The following MARCHF10 variants were observed in gnomAD, a reference collection of about 807,000 sequenced individuals.
MARCHF10 encodes the protein probable E3 ubiquitin-protein ligase MARCHF10.
Under a neutral mutation model 76.2 loss-of-function variants are expected in MARCHF10, and 64 were observed. The ratio of observed to expected loss-of-function variants is 0.84; its 90% CI spans 0.69 to 1.03. MARCHF10 has a LOEUF of 1.03. Among genes scored for constraint, MARCHF10 ranks in the 50% least tolerant of loss-of-function variants. MARCHF10 has a pLI of 0.00. For synonymous variants in MARCHF10, 340 were observed against 357.5 expected (o/e 0.95, Z 0.55); for missense variants, 875 against 958.0 (o/e 0.91, Z 1.14).
At chr17:62,728,618 A>C (rs559338698) in intron 6 of MARCHF10, among the ~76,000 whole-genome samples, 4 of 152,316 alleles carry the variant, frequency 2.6e-5, no homozygotes, top group East Asian at 3.9e-4. Flanking sequence ...GATTCAGAGA[A>C]TATTGGCAGC....
intron 8 of MARCHF10, among the ~76,000 whole-genome samples, chr17:62,722,170 C>T (rs1351949064): frequency 1.3e-5 from 2 of 150,954 alleles, no homozygotes; most frequent in Non-Finnish European, 2.9e-5. Flanking sequence ...GTAATCCCAG[C>T]TACTCAGGAG....
rs2093189411 is a variant in MARCHF10 at position 62,808,077 on chromosome 17, C to T, written c.-18G>A. On this transcript the variant is annotated splice_region_variant and 5_prime_UTR_variant, in exon 1 of 11. Coordinates refer to ENST00000311269, the MANE Select transcript of MARCHF10 (RefSeq NM_152598.4). ...GCGGCGGGGGCGAGGGGGCCGTTAC[C>T]TGTGGGTCTGCCCTTCCTCCCCTGC... 8.4e-6 allele frequency: 1 copy of T among 119,682 alleles called. No individual in the cohort carries two copies. The highest frequency in any genetic ancestry group is 1.6e-5 in the Non-Finnish European group (1 of 60,928). The allele number at this position is 119,682 out of a possible 1,614,324, so 7.4% of individuals were successfully genotyped here.
In MARCHF10 at chr17:62,711,311, G is replaced by A. The variant is rs776493748; in HGVS notation, c.2248C>T (p.Leu750=). The A allele has an allele frequency of 1.9e-6, 3 of 1,614,150 alleles. No homozygotes were observed. ...QNELMNSGLY[L]VLLLHLYEQR... is the part of the protein sequence containing the mutation. ...TCATAGAGGTGAAGCAGCAGCACCAGGTACAAGCCTGAATTCATCAGCTCG... is the reference window on the plus strand; with the variant it reads ...TCATAGAGGTGAAGCAGCAGCACCAAGTACAAGCCTGAATTCATCAGCTCG... Residue 750 remains leucine, a synonymous_variant, in exon 9 of 11, where the codon CTG becomes TTG. Transcript: ENST00000311269. The surrounding 1 kb of genome is among the most constrained non-coding windows in gnomAD (Gnocchi z 4.4).
intron 3 of MARCHF10, among the ~76,000 whole-genome samples, chr17:62,777,662 C>G (rs1198105692): frequency 7.5e-6 from 1 of 133,570 alleles, no homozygotes; most frequent in Non-Finnish European, 1.5e-5. Flanking sequence ...TGCAGTGAAC[C>G]GAGATCCTGC....
At chr17:62,783,388 A>T (rs2148085286) in intron 3 of MARCHF10, among the ~76,000 whole-genome samples, 1 of 152,184 alleles carries the variant, frequency 6.6e-6, no homozygotes, top group South Asian at 2.1e-4. Context: ...GTGTAGAGGG[A>T]AATTTATAGC....
chr17:62,796,346 C>G (rs532766764), intron 2 of MARCHF10, among the ~76,000 whole-genome samples: 2 of 152,298 alleles, frequency 1.3e-5, no homozygotes, highest in South Asian at 4.1e-4. Context: ...TGGAACCAGG[C>G]AAGGGATAGA....
chr17:62,773,507 A>G (rs1051437631), intron 3 of MARCHF10, among the ~76,000 whole-genome samples: 4 of 152,066 alleles, frequency 2.6e-5, no homozygotes, highest in African/African-American at 9.7e-5. Context: ...AAATAAGTGG[A>G]GGGGGATGTG....
At chr17:62,807,116 C>T (rs1311519439) in intron 1 of MARCHF10, among the ~76,000 whole-genome samples, 2 of 152,146 alleles carry the variant, frequency 1.3e-5, no homozygotes, top group Non-Finnish European at 2.9e-5. Context: ...TTTCAGGAGA[C>T]CTTATTCAAC....
At chr17:62,751,867 A>G (rs1040634163) in intron 4 of MARCHF10, among the ~76,000 whole-genome samples, 1 of 152,060 alleles carries the variant, frequency 6.6e-6, no homozygotes, top group Non-Finnish European at 1.5e-5. Context: ...CTAAAAATAC[A>G]AAATTAGCCG....
chr17:62,703,918 TG>T (rs2089405671), intron 10 of MARCHF10, among the ~76,000 whole-genome samples: 1 of 152,192 alleles, frequency 6.6e-6, no homozygotes, highest in African/African-American at 2.4e-5. Context: ...GGCTCGGTCC[TG>T]CTCGGCGCGG....
At position 62,781,638 on chromosome 17, in the gene MARCHF10, G is replaced by A. The variant is rs115188075; in HGVS notation, c.210+6842C>T. ...TAGAGCCACTGGTTGTGGTGAGGAG[G>A]TTATGCCAGGATGAAGCAGCCAGCA... On this transcript the variant is annotated intron_variant, in intron 3 of 10. Coordinates refer to ENST00000311269, the MANE Select transcript of MARCHF10 (RefSeq NM_152598.4). 9.3e-3 allele frequency among the ~76,000 whole-genome samples: 1,409 copies of A among 152,320 alleles called. 27 individuals are homozygous for A. The highest frequency in any genetic ancestry group is 0.033 in the African/African-American group (1,357 of 41,572).
chr17:62,797,660 T>C (rs1598074059), intron 2 of MARCHF10, among the ~76,000 whole-genome samples: 1 of 152,286 alleles, frequency 6.6e-6, no homozygotes, highest in East Asian at 1.9e-4. Flanking sequence ...TAGGTTGGTT[T>C]TGCTTAGGTT....
At chr17:62,776,273 G>T (rs544451123) in intron 3 of MARCHF10, among the ~76,000 whole-genome samples, 1 of 152,268 alleles carries the variant, frequency 6.6e-6, no homozygotes, top group Admixed American at 6.5e-5. Flanking sequence ...TCAACACAGG[G>T]AACCCTTTGG....
rs17853370 is a variant in MARCHF10, at chr17:62,744,491, C to T, written c.420G>A (p.Lys140=). 6.2e-7 allele frequency: 1 copy of T among 1,614,166 alleles called. No individual in the cohort carries two copies. The highest frequency in any genetic ancestry group is 1.7e-5 in the Admixed American group (1 of 60,020). Residue 140 remains lysine (K), a synonymous_variant, in exon 5 of 11, where the codon AAG becomes AAA. Transcript: ENST00000311269. ...QAPMVLLRKR[K]PNLRRFTVSP... ...TGACTGTAAATCTCCTCAGGTTTGG[C>T]TTCCTCTTTCTTAATAAAACCATTG...
Position 62,788,538 on chromosome 17 carries a change from C to A in MARCHF10, c.152G>T (p.Trp51Leu), listed in dbSNP as rs767270729. 1.9e-6 allele frequency: 3 copies of A among 1,614,150 alleles called. No homozygotes were observed. Among genetic ancestry groups the A allele is most frequent in the East Asian group, 2.2e-5 (1 of 44,880 alleles). The change falls in exon 3 of 11, where the codon TGG (tryptophan) becomes TTG (leucine). Residue 51 changes from tryptophan (W) to leucine (L), a missense_variant. Coordinates refer to ENST00000311269, the MANE Select transcript of MARCHF10 (RefSeq NM_152598.4). ...TCTCTCAAAACTTGTCTCTTGCCCC[C>A]AAAACTGATCGCGTTTCTTCTCATT... ...DPNEKKRDQFWGQETSFERSR... is the reference protein window; with the variant it reads ...DPNEKKRDQFLGQETSFERSR...
intron 3 of MARCHF10, among the ~76,000 whole-genome samples, chr17:62,767,887 A>T (rs562901870): frequency 2.1e-4 from 32 of 152,284 alleles, no homozygotes; most frequent in Non-Finnish European, 4.0e-4. Context: ...CAGCCCCTGC[A>T]CCTACTGCCC....
chr17:62,727,017 A>T (rs2090789154), intron 6 of MARCHF10, among the ~76,000 whole-genome samples: 1 of 152,200 alleles, frequency 6.6e-6, no homozygotes, highest in Non-Finnish European at 1.5e-5. Flanking sequence ...AAAATAAATG[A>T]CCATCAGGTT....
At chr17:62,794,241 C>A (rs2092948051) in intron 2 of MARCHF10, among the ~76,000 whole-genome samples, 2 of 152,062 alleles carry the variant, frequency 1.3e-5, no homozygotes, top group African/African-American at 4.8e-5. Flanking sequence ...ACATCACCAC[C>A]AAACCCCACC....
chr17:62,770,305 T>C (rs1568185715), intron 3 of MARCHF10, among the ~76,000 whole-genome samples: 1 of 152,238 alleles, frequency 6.6e-6, no homozygotes, highest in Admixed American at 6.5e-5. Flanking sequence ...GTCTTTGCTA[T>C]TGCAAACAGC....
Sources: allele counts gnomAD v4.1 joint callset (sites outside exome capture counted in the v4.1 genomes callset), GRCh38; gene constraint gnomAD v4.1.1; non-coding constraint Gnocchi (gnomAD v3.1); transcripts MANE v1.5; gene names NCBI Gene and HGNC (gene_info 2026-07-23, HGNC 2026-07-21).